Variants in ENPP3 observed in about 807,000 individuals in gnomAD.
ENPP3 encodes the protein ectonucleotide pyrophosphatase/phosphodiesterase 3.
Under a neutral mutation model 117.8 loss-of-function variants are expected in ENPP3, and 104 were observed. The ratio of observed to expected loss-of-function variants is 0.88; its 90% CI spans 0.75 to 1.04. The LOEUF (loss-of-function observed/expected upper bound fraction) is 1.04, where lower values mean the gene tolerates loss of function less well. ENPP3 is among the 50% of genes least tolerant of loss of function. The probability of loss-of-function intolerance (pLI) is 0.00; values close to 1 mark genes in which losing one functional copy is unlikely to be tolerated. For synonymous variants in ENPP3, 380 were observed against 349.9 expected (o/e 1.09, Z -0.96); for missense variants, 1,026 against 1,051.9 (o/e 0.98, Z 0.34).
At chr6:131,710,141 G>C (rs1779748186) in intron 15 of ENPP3, 2 of 1,613,880 alleles carry the variant, frequency 1.2e-6, no homozygotes, top group Non-Finnish European at 1.7e-6. Flanking sequence ...TTTAATTCCA[G>C]GTTATCATCA....
chr6:131,654,253 C>T (rs1437457958), intron 5 of ENPP3, among the ~76,000 whole-genome samples: 1 of 151,960 alleles, frequency 6.6e-6, no homozygotes. Flanking sequence ...CCCATCTCGG[C>T]CTCGTAAGTA....
intron 17 of ENPP3, 25 bp downstream of exon 17, chr6:131,720,404 C>A: frequency 2.5e-6 from 3 of 1,217,942 alleles, no homozygotes; most frequent in Admixed American, 2.1e-5. Flanking sequence ...ATAAGTTCGC[C>A]AACAAAATAT....
chr6:131,678,239 G>A (rs905687486), intron 11 of ENPP3, among the ~76,000 whole-genome samples: 2 of 152,250 alleles, frequency 1.3e-5, no homozygotes, highest in Non-Finnish European at 2.9e-5. Flanking sequence ...AAACATCAAG[G>A]CTAGATACTA....
At chr6:131,732,379 A>G (rs1780298941) in intron 20 of ENPP3, among the ~76,000 whole-genome samples, 1 of 152,172 alleles carries the variant, frequency 6.6e-6, no homozygotes, top group Non-Finnish European at 1.5e-5. Flanking sequence ...TGGTAAATAA[A>G]TTATTGTACT....
intron 11 of ENPP3, among the ~76,000 whole-genome samples, chr6:131,682,320 C>T (rs772990088): frequency 6.6e-6 from 1 of 151,778 alleles, no homozygotes; most frequent in South Asian, 2.1e-4. Context: ...TTAATGAGAT[C>T]GAATCTCTAC....
intron 7 of ENPP3, 61 bp downstream of exon 7, chr6:131,671,388 A>C: frequency 2.0e-6 from 2 of 980,838 alleles, no homozygotes; most frequent in African/African-American, 1.6e-5. Flanking sequence ...ATAAACAGAC[A>C]TGTTTGGGCA....
chr6:131,667,682 T>C (rs1778646353), intron 6 of ENPP3, among the ~76,000 whole-genome samples: 1 of 152,230 alleles, frequency 6.6e-6, no homozygotes, highest in South Asian at 2.1e-4. Flanking sequence ...AAGAAACAGT[T>C]CTGCTTTTCC....
At chr6:131,684,321 A>C (rs987837099) in intron 12 of ENPP3, among the ~76,000 whole-genome samples, 1 of 152,224 alleles carries the variant, frequency 6.6e-6, no homozygotes, top group Non-Finnish European at 1.5e-5. Flanking sequence ...ACTTTGCCTT[A>C]TTGTTTTAAA....
At chr6:131,656,004 G>A (rs1778376753) in intron 5 of ENPP3, among the ~76,000 whole-genome samples, 1 of 152,172 alleles carries the variant, frequency 6.6e-6, no homozygotes, top group South Asian at 2.1e-4. Context: ...AAATTTTAGT[G>A]GCTGAAGACA....
intron 16 of ENPP3, among the ~76,000 whole-genome samples, chr6:131,719,580 A>T (rs140115808): frequency 0.01 from 1,564 of 152,308 alleles, 12 homozygotes; most frequent in South Asian, 0.03. Context: ...GTAATAGTTA[A>T]ATTAATTATT....
chr6:131,734,700 C>T (rs1050426197), intron 21 of ENPP3, among the ~76,000 whole-genome samples: 5 of 151,632 alleles, frequency 3.3e-5, no homozygotes, highest in African/African-American at 1.2e-4. Context: ...AGTTCGAGAA[C>T]AGCCTGGCCA....
intron 15 of ENPP3, among the ~76,000 whole-genome samples, chr6:131,694,970 T>TTTTTTTTTTTTTTTTTTTTTTTTTGA (rs1554264575): frequency 1.3e-5 from 2 of 151,478 alleles, no homozygotes; most frequent in African/African-American, 4.9e-5. Context: ...AAGCCTATTC[T>TTTTTTTTTTTTTTTTTTTTTTTTTGA]GTAAGATAAC....
intron 15 of ENPP3, among the ~76,000 whole-genome samples, chr6:131,716,030 C>T (rs1779881734): frequency 6.6e-6 from 1 of 151,228 alleles, no homozygotes; most frequent in Admixed American, 6.6e-5. Context: ...GGAAGACAGA[C>T]TTGGCAACTG....
chr6:131,637,960 T>A (rs1452171387), intron 1 of ENPP3, among the ~76,000 whole-genome samples: 6 of 151,888 alleles, frequency 4.0e-5, no homozygotes, highest in African/African-American at 1.4e-4. Flanking sequence ...TGATTTTATT[T>A]TCTTTTTTCT....
chr6:131,662,591 C>A (rs1778526619), intron 6 of ENPP3, among the ~76,000 whole-genome samples: 1 of 152,162 alleles, frequency 6.6e-6, no homozygotes, highest in Non-Finnish European at 1.5e-5. Context: ...CAGTAACATG[C>A]TGTTTTAATT....
At chr6:131,717,336 A>G (rs945652838) in intron 15 of ENPP3, among the ~76,000 whole-genome samples, 1 of 147,456 alleles carries the variant, frequency 6.8e-6, no homozygotes, top group Admixed American at 7.0e-5. Context: ...AAAAACAAAC[A>G]GAAACCCTGC....
chr6:131,645,778 A>G (rs967213235), intron 2 of ENPP3, among the ~76,000 whole-genome samples: 1 of 152,136 alleles, frequency 6.6e-6, no homozygotes, highest in African/African-American at 2.4e-5. Flanking sequence ...GTATTTTAAT[A>G]AATTTCTGAT....
chr6:131,722,820 C>T (rs571164588), intron 18 of ENPP3, among the ~76,000 whole-genome samples: 11 of 152,254 alleles, frequency 7.2e-5, no homozygotes, highest in African/African-American at 2.4e-4. Flanking sequence ...GACATACCCA[C>T]TAGGGTAGGT....
chr6:131,698,386 A>T (rs1329099144), intron 15 of ENPP3, among the ~76,000 whole-genome samples: 3 of 125,836 alleles, frequency 2.4e-5, no homozygotes, highest in African/African-American at 9.3e-5. Context: ...GGATGAGAAG[A>T]TTTGCTGTCT....
Sources: allele counts gnomAD v4.1 joint callset (sites outside exome capture counted in the v4.1 genomes callset), GRCh38; gene constraint gnomAD v4.1.1; transcripts MANE v1.5; gene names NCBI Gene and HGNC (gene_info 2026-07-23, HGNC 2026-07-21).